Variants in GRIA3 observed in about 807,000 individuals in gnomAD.
GRIA3 encodes glutamate ionotropic receptor AMPA type subunit 3.
Under a neutral mutation model 63.0 loss-of-function variants are expected in GRIA3, and 3 were observed. The ratio of observed to expected loss-of-function variants is 0.05; its 90% CI spans 0.02 to 0.12. The LOEUF is 0.12. GRIA3 is among the 10% of genes least tolerant of loss of function. GRIA3 has a pLI of 1.00. For synonymous variants in GRIA3, 274 were observed against 257.9 expected, an observed-to-expected ratio of 1.06 and a Z score of -0.60; for missense variants, 347 against 700.9, an observed-to-expected ratio of 0.50 and a Z score of 5.70.
At chrX:123,206,647 A>C in intron 2 of GRIA3, among the ~76,000 whole-genome samples, 1 of 111,543 alleles carries the variant, frequency 9.0e-6, no homozygotes. Flanking sequence ...ATTAAAATTA[A>C]GCACTTTCAT....
chrX:123,273,914 C>T (rs757096079), intron 3 of GRIA3, among the ~76,000 whole-genome samples: 70 of 112,130 alleles, frequency 6.2e-4, no homozygotes, highest in African/African-American at 2.2e-3. Context: ...TGCAACCTCT[C>T]TTAGGTCATA....
chrX:123,290,979 A>G (rs1470335210), intron 3 of GRIA3, among the ~76,000 whole-genome samples: 1 of 111,660 alleles, frequency 9.0e-6, no homozygotes, highest in Non-Finnish European at 1.9e-5. Context: ...TCACCCTTTG[A>G]GGCTAACACA....
intron 4 of GRIA3, 152 bp from the exon 5 acceptor site, chrX:123,354,758 A>T: frequency 1.9e-6 from 1 of 519,915 alleles, no homozygotes; most frequent in Non-Finnish European, 3.5e-6. Context: ...ATCTAGTTGA[A>T]AGCGAAATGC....
At chrX:123,217,319 C>T (rs949957769) in intron 2 of GRIA3, among the ~76,000 whole-genome samples, 11 of 111,610 alleles carry the variant, frequency 9.9e-5, no homozygotes, top group African/African-American at 2.9e-4. Context: ...GAACCTGGAA[C>T]ACCCTGATAA....
intron 3 of GRIA3, among the ~76,000 whole-genome samples, chrX:123,278,576 C>T (rs1459083491): frequency 4.5e-5 from 5 of 111,887 alleles, no homozygotes. Context: ...TTAAGTTTTT[C>T]ATCTATTTTG....
chrX:123,350,568 G>T (rs1375571742), intron 4 of GRIA3, among the ~76,000 whole-genome samples: 1 of 111,743 alleles, frequency 8.9e-6, no homozygotes, highest in Non-Finnish European at 1.9e-5. Context: ...AAAAGGAAAG[G>T]GCCTCTTACA....
At chrX:123,411,793 T>C (rs1343643211) in intron 10 of GRIA3, among the ~76,000 whole-genome samples, 3 of 111,203 alleles carry the variant, frequency 2.7e-5, no homozygotes, top group Non-Finnish European at 5.7e-5. Context: ...TCTGTGCTCT[T>C]TCCATTTGCT....
chrX:123,449,117 A>T (rs2045717283), intron 12 of GRIA3, among the ~76,000 whole-genome samples: 1 of 112,031 alleles, frequency 8.9e-6, no homozygotes, highest in East Asian at 2.8e-4. Context: ...AAAACTGCAC[A>T]TAACTACAAA....
At chrX:123,413,564 A>C (rs898021912) in intron 10 of GRIA3, among the ~76,000 whole-genome samples, 1 of 99,009 alleles carries the variant, frequency 1.0e-5, no homozygotes, top group African/African-American at 3.9e-5. Flanking sequence ...AAAAAAAAAA[A>C]AAAAAACACT....
chrX:123,290,704 T>G (rs767421453), intron 3 of GRIA3, among the ~76,000 whole-genome samples: 1 of 110,884 alleles, frequency 9.0e-6, no homozygotes, highest in Admixed American at 9.6e-5. Context: ...CACAATAACT[T>G]TTACATTTCT....
intron 13 of GRIA3, among the ~76,000 whole-genome samples, chrX:123,469,094 T>TG (rs2045849493): frequency 8.9e-6 from 1 of 112,557 alleles, no homozygotes; most frequent in Non-Finnish European, 1.9e-5. Flanking sequence ...AAAATGACAA[T>TG]AATCACAACG....
intron 3 of GRIA3, among the ~76,000 whole-genome samples, chrX:123,258,155 T>C (rs1435503081): frequency 8.9e-6 from 1 of 112,566 alleles, no homozygotes; most frequent in African/African-American, 3.2e-5. Flanking sequence ...GAGCAAAACC[T>C]TAACATCTCT....
At chrX:123,366,268 A>C (rs748278293) in intron 5 of GRIA3, among the ~76,000 whole-genome samples, 2 of 110,881 alleles carry the variant, frequency 1.8e-5, no homozygotes, top group East Asian at 5.7e-4. Flanking sequence ...CCCAGCCCCT[A>C]CTCATGATGG....
chrX:123,265,513 C>T (rs2044482746), intron 3 of GRIA3, among the ~76,000 whole-genome samples: 1 of 111,727 alleles, frequency 9.0e-6, no homozygotes, highest in South Asian at 3.8e-4. Flanking sequence ...AGTTGATCAT[C>T]ATAAAGGTCT....
intron 5 of GRIA3, among the ~76,000 whole-genome samples, chrX:123,372,041 T>C (rs1189222638): frequency 8.9e-6 from 1 of 111,979 alleles, no homozygotes; most frequent in Non-Finnish European, 1.9e-5. Context: ...TCCATTTTGA[T>C]TTGATGTTTG....
At chrX:123,371,169 A>AGGCAGGG (rs2045245217) in intron 5 of GRIA3, among the ~76,000 whole-genome samples, 1 of 110,369 alleles carries the variant, frequency 9.1e-6, no homozygotes, top group Non-Finnish European at 1.9e-5. Context: ...TTCTCTTAGC[A>AGGCAGGG]TAATGACCTC....
At chrX:123,232,351 C>T (rs1388202443) in intron 2 of GRIA3, among the ~76,000 whole-genome samples, 1 of 111,460 alleles carries the variant, frequency 9.0e-6, no homozygotes. Flanking sequence ...TGTTATGGCA[C>T]CTGGAATGTG....
Position 123,417,798 on chromosome X carries a change from T to A in GRIA3, c.1877+20T>A. 8.7e-7 allele frequency: 1 copy of A among 1,153,733 alleles called. No individual in the cohort carries two copies. Among genetic ancestry groups the A allele is most frequent in the Non-Finnish European group, 1.2e-6 (1 of 848,638 alleles). ...TCCAAGGTTTGTTTTTGTGGCATAC[T>A]CAATGCCTCATTGCATTTTATGGTC... On this transcript the variant is annotated intron_variant, in intron 11 of 15. Coordinates refer to ENST00000620443, the MANE Select transcript of GRIA3 (RefSeq NM_007325.5).
intron 12 of GRIA3, among the ~76,000 whole-genome samples, chrX:123,463,759 AAGAAAGAAGAGAAAGAAAGAAAAAGAAAG>A (rs1225761218): frequency 1.1e-5 from 1 of 94,493 alleles, no homozygotes; most frequent in Non-Finnish European, 1.9e-5. Flanking sequence ...AAAAGAGAGA[AAGAAAGAAGAGAAAGAAAGAAAAAGAAAG>A]AGAAAGAAAG....
Sources: gnomAD v4.1 joint callset for allele counts (sites outside exome capture counted in the v4.1 genomes callset) on GRCh38, gnomAD v4.1.1 for gene constraint, MANE v1.5 for transcripts, NCBI Gene and HGNC (gene_info 2026-07-23, HGNC 2026-07-21) for gene names.